ABTB3: variants seen among roughly 807,000 people sequenced by gnomAD.
ABTB3 encodes the protein ankyrin repeat- and BTB/POZ domain-containing protein 3.
At chr12:107,566,648 T>TACACACACAC in the ABTB3 span, among the ~76,000 whole-genome samples, 23,384 of 136,094 alleles carry the variant, frequency 0.17, 1,927 homozygotes, top group East Asian at 0.24. Context: ...CTAATTTAAA[T>TACACACACAC]ACACACACAC....
chr12:107,411,160 C>G, the ABTB3 span, among the ~76,000 whole-genome samples: 3 of 152,030 alleles, frequency 2.0e-5, no homozygotes, highest in Non-Finnish European at 4.4e-5. Flanking sequence ...AAAATCTGGG[C>G]GTGGTGGCAT....
chr12:107,436,608 C>G, the ABTB3 span, among the ~76,000 whole-genome samples: 1 of 152,202 alleles, frequency 6.6e-6, no homozygotes, highest in East Asian at 1.9e-4. Flanking sequence ...AATGGTTATC[C>G]TGCTTGCTAT....
chr12:107,587,294 T>C, the ABTB3 span, among the ~76,000 whole-genome samples: 1 of 152,234 alleles, frequency 6.6e-6, no homozygotes, highest in Admixed American at 6.5e-5. Flanking sequence ...AAAGACGGGC[T>C]GCTGGCAGTG....
the ABTB3 span, among the ~76,000 whole-genome samples, chr12:107,412,620 C>A: frequency 1.3e-5 from 2 of 152,080 alleles, no homozygotes; most frequent in African/African-American, 4.8e-5. Context: ...TGAAGACACG[C>A]CCTTCCCTGA....
the ABTB3 span, among the ~76,000 whole-genome samples, chr12:107,329,243 C>T: frequency 1.3e-5 from 2 of 152,144 alleles, no homozygotes; most frequent in Non-Finnish European, 2.9e-5. Flanking sequence ...GGGTTTTTCC[C>T]AGACTCTGGA....
chr12:107,598,972 GCCTCAGAATC>G, the ABTB3 span, among the ~76,000 whole-genome samples: 2 of 152,138 alleles, frequency 1.3e-5, no homozygotes, highest in African/African-American at 4.8e-5. Context: ...TCTGGACATG[GCCTCAGAATC>G]CCCCTTGACA....
chr12:107,517,182 G>A, the ABTB3 span, among the ~76,000 whole-genome samples: 3 of 152,088 alleles, frequency 2.0e-5, no homozygotes, highest in African/African-American at 7.2e-5. Context: ...GGTTGTAGAT[G>A]TGTGGTATTA....
the ABTB3 span, among the ~76,000 whole-genome samples, chr12:107,535,588 A>G: frequency 1.3e-5 from 2 of 152,214 alleles, no homozygotes; most frequent in African/African-American, 2.4e-5. Context: ...TACCAAATCA[A>G]CATACAAAAA....
At chr12:107,380,906 G>T in the ABTB3 span, among the ~76,000 whole-genome samples, 1 of 152,222 alleles carries the variant, frequency 6.6e-6, no homozygotes, top group African/African-American at 2.4e-5. Context: ...TATATGCTAT[G>T]TATATGTCTC....
the ABTB3 span, among the ~76,000 whole-genome samples, chr12:107,562,564 G>A: frequency 3.9e-5 from 6 of 152,234 alleles, no homozygotes; most frequent in Non-Finnish European, 5.9e-5. Flanking sequence ...GTCCAAGGTG[G>A]GCAGGGTCAG....
At chr12:107,564,863 C>T in the ABTB3 span, among the ~76,000 whole-genome samples, 417 of 152,298 alleles carry the variant, frequency 2.7e-3, 8 homozygotes, top group East Asian at 0.042. Flanking sequence ...TCTGTTTAGC[C>T]CATTGCACAG....
At chr12:107,401,084 C>A in the ABTB3 span, among the ~76,000 whole-genome samples, 1 of 152,152 alleles carries the variant, frequency 6.6e-6, no homozygotes, top group Non-Finnish European at 1.5e-5. Flanking sequence ...TCTCAGCTCT[C>A]ATGGAAACCT....
the ABTB3 span, among the ~76,000 whole-genome samples, chr12:107,512,920 C>A: frequency 3.9e-5 from 6 of 152,092 alleles, no homozygotes; most frequent in Non-Finnish European, 8.8e-5. Context: ...GATAGGAAAA[C>A]CAAGGCACAG....
the ABTB3 span, among the ~76,000 whole-genome samples, chr12:107,570,223 T>G: frequency 7.0e-6 from 1 of 143,786 alleles, no homozygotes; most frequent in Non-Finnish European, 1.6e-5. Context: ...TTCTTTTATT[T>G]TTTTTTCCCA....
chr12:107,531,738 C>A, the ABTB3 span, among the ~76,000 whole-genome samples: 4 of 152,030 alleles, frequency 2.6e-5, no homozygotes, highest in Admixed American at 6.6e-5. Context: ...CTCCCTGCTC[C>A]CCACTCCTGC....
At chr12:107,536,287 T>C in the ABTB3 span, among the ~76,000 whole-genome samples, 2 of 152,142 alleles carry the variant, frequency 1.3e-5, no homozygotes, top group Admixed American at 1.3e-4. Context: ...GTAAAAATCC[T>C]AGAAGAAAAC....
the ABTB3 span, among the ~76,000 whole-genome samples, chr12:107,471,157 G>C: frequency 1.3e-5 from 2 of 152,206 alleles, no homozygotes; most frequent in Non-Finnish European, 2.9e-5. Context: ...TGCTTTTAGT[G>C]AGGTGTTATT....
At chr12:107,336,375 T>G in the ABTB3 span, among the ~76,000 whole-genome samples, 2 of 152,362 alleles carry the variant, frequency 1.3e-5, no homozygotes, top group South Asian at 4.1e-4. Flanking sequence ...AGGGATCACA[T>G]GGAAGTTACA....
At chr12:107,535,586 C>G in the ABTB3 span, among the ~76,000 whole-genome samples, 1 of 152,104 alleles carries the variant, frequency 6.6e-6, no homozygotes, top group Non-Finnish European at 1.5e-5. Context: ...CATACCAAAT[C>G]AACATACAAA....
Sources: allele counts gnomAD v4.1 joint callset (sites outside exome capture counted in the v4.1 genomes callset), GRCh38; gene constraint gnomAD v4.1.1; transcripts MANE v1.5; gene names NCBI Gene and HGNC (gene_info 2026-07-23, HGNC 2026-07-21).